The following KIRREL3 variants were observed in gnomAD, a reference collection of about 807,000 sequenced individuals.
KIRREL3 encodes kirre like nephrin family adhesion molecule 3.
In KIRREL3, 36 loss-of-function variants were observed where a neutral mutation model predicts 89.7. That is an observed-to-expected ratio of 0.40 (90% CI 0.31 to 0.53). The LOEUF is 0.53. Among genes scored for constraint, KIRREL3 ranks in the 20% least tolerant of loss-of-function variants. The pLI is 0.49. For synonymous variants in KIRREL3, 445 were observed against 441.4 expected, an observed-to-expected ratio of 1.01 and a Z score of -0.10; for missense variants, 864 against 1,056.6, an observed-to-expected ratio of 0.82 and a Z score of 2.53.
intron 1 of KIRREL3, among the ~76,000 whole-genome samples, chr11:126,806,476 AT>A (rs1951207547): frequency 6.6e-6 from 1 of 152,116 alleles, no homozygotes; most frequent in African/African-American, 2.4e-5. Flanking sequence ...AGTTTGAGTA[AT>A]TATAGAAGTC....
intron 1 of KIRREL3, among the ~76,000 whole-genome samples, chr11:126,842,292 T>C (rs1367986276): frequency 6.6e-6 from 1 of 152,156 alleles, no homozygotes; most frequent in Non-Finnish European, 1.5e-5. Flanking sequence ...CGGCCATGTA[T>C]GAACTTCTAA....
chr11:126,633,500 C>G (rs1944135694), intron 1 of KIRREL3, among the ~76,000 whole-genome samples: 1 of 152,036 alleles, frequency 6.6e-6, no homozygotes, highest in South Asian at 2.1e-4. Flanking sequence ...TTCTTCGTTC[C>G]CACAAGAATT....
chr11:126,862,025 C>T (rs1361603904), intron 1 of KIRREL3, among the ~76,000 whole-genome samples: 1 of 152,248 alleles, frequency 6.6e-6, no homozygotes, highest in Non-Finnish European at 1.5e-5. Context: ...CCCTTCTTGG[C>T]AGTGAGCAGT....
intron 1 of KIRREL3, among the ~76,000 whole-genome samples, chr11:126,667,448 T>C (rs1371659998): frequency 6.6e-6 from 1 of 152,200 alleles, no homozygotes; most frequent in Non-Finnish European, 1.5e-5. Context: ...CAGAAGGCAA[T>C]TGCCTAGAAA....
At chr11:126,824,744 G>A (rs1943348050) in intron 1 of KIRREL3, among the ~76,000 whole-genome samples, 1 of 152,236 alleles carries the variant, frequency 6.6e-6, no homozygotes. Context: ...GTCTGGCTCA[G>A]TAAATCTGCA....
chr11:126,802,520 C>T lies in KIRREL3; in HGVS notation c.55+197935G>A, dbSNP rs1019800630. Among the ~76,000 whole-genome samples, 1 of 152,198 alleles carries T rather than the reference C, an allele frequency of 6.6e-6. No homozygotes were observed. Among genetic ancestry groups the T allele is most frequent in the Non-Finnish European group, 1.5e-5 (1 of 68,040 alleles). ...CTCTGTGTCCTCCAGCTTCCTCCCA[C>T]ATCCCAAAGCTGTCACATGAGGTGA... On this transcript the variant is annotated intron_variant, in intron 1 of 16. Coordinates refer to ENST00000525144, the MANE Select transcript of KIRREL3 (RefSeq NM_032531.4). The surrounding 1 kb of genome is among the most constrained non-coding windows in gnomAD (Gnocchi z 5.2).
At position 126,872,286 on chromosome 11, in the gene KIRREL3, C is replaced by T. The variant is rs191345410; in HGVS notation, c.55+128169G>A. ...TTGTATGGTTCCAGAAACTCCCTGC[C>T]CCTTTTCTAGAAAGATCTAAGTAAC... is the stretch of plus-strand genomic sequence containing the variant. On this transcript the variant is annotated intron_variant, in intron 1 of 16. Transcript: ENST00000525144. This position sits in a 1 kb window ranked among gnomAD's most constrained non-coding sequence, Gnocchi z 4.2. Among the ~76,000 whole-genome samples the T allele has an allele frequency of 2.0e-5, 3 of 152,280 alleles. No homozygotes were observed. The highest frequency in any genetic ancestry group is 3.9e-4 in the East Asian group (2 of 5,178).
At chr11:126,487,964 C>A (rs748385575) in intron 4 of KIRREL3, among the ~76,000 whole-genome samples, 2 of 152,222 alleles carry the variant, frequency 1.3e-5, no homozygotes, top group Non-Finnish European at 2.9e-5. Context: ...TCACAGAAGG[C>A]GGAGGTGGAG....
chr11:126,498,390 C>A lies in KIRREL3; in HGVS notation c.433+22925G>T, dbSNP rs1370088542. On this transcript the variant is annotated intron_variant, in intron 4 of 16. Transcript: ENST00000525144. The surrounding 1 kb of genome is among the most constrained non-coding windows in gnomAD (Gnocchi z 4.3). ...CTCTCTTTAATAAGCCAGGCTCTTC[C>A]CCCCGACCCTGCGATTGTGTTCCTA... 6.6e-6 allele frequency among the ~76,000 whole-genome samples: 1 copy of A among 152,152 alleles called. No individual in the cohort carries two copies. Among genetic ancestry groups the A allele is most frequent in the East Asian group, 1.9e-4 (1 of 5,194 alleles).
intron 1 of KIRREL3, among the ~76,000 whole-genome samples, chr11:126,621,524 G>A (rs1565598829): frequency 3.9e-5 from 6 of 152,162 alleles, no homozygotes; most frequent in South Asian, 2.1e-4. Context: ...GTAGATCCAT[G>A]TATAAAATAA....
At chr11:126,895,114 C>T (rs887149742) in intron 1 of KIRREL3, among the ~76,000 whole-genome samples, 21 of 152,074 alleles carry the variant, frequency 1.4e-4, no homozygotes, top group Non-Finnish European at 1.3e-4. Context: ...CAGCCTGTGA[C>T]GATTCCTAGT....
At position 126,520,927 on chromosome 11, in the gene KIRREL3, G is replaced by A. The variant is rs1958566503; in HGVS notation, c.433+388C>T. ...AGGGCTTTGTTAGCACCGGAGTGGG[G>A]GTCAGTTCAGAAAGAAGGGACCCAC... On this transcript the variant is annotated intron_variant, in intron 4 of 16. Coordinates refer to ENST00000525144, the MANE Select transcript of KIRREL3 (RefSeq NM_032531.4). The surrounding 1 kb of genome is among the most constrained non-coding windows in gnomAD (Gnocchi z 4.9). 6.6e-6 allele frequency among the ~76,000 whole-genome samples: 1 copy of A among 152,108 alleles called. No individual in the cohort carries two copies. The highest frequency in any genetic ancestry group is 1.9e-4 in the East Asian group (1 of 5,188).
chr11:126,428,679 C>T lies in KIRREL3; in HGVS notation c.1806+500G>A, dbSNP rs112282958. ...TTGTTGTTGTTTTGAGATGGAGTCT[C>T]GCTCTCACCCAGGCTGGGGTGCAGT... is the stretch of plus-strand genomic sequence containing the variant. On this transcript the variant is annotated intron_variant, in intron 15 of 16. Coordinates refer to ENST00000525144, the MANE Select transcript of KIRREL3 (RefSeq NM_032531.4). This position sits in a 1 kb window ranked among gnomAD's most constrained non-coding sequence, Gnocchi z 6.4. Among the ~76,000 whole-genome samples the T allele has an allele frequency of 0.055, 8,431 of 152,136 alleles. 328 individuals are homozygous for T. Among genetic ancestry groups the T allele is most frequent in the Middle Eastern group, 0.11 (33 of 294 alleles).
chr11:126,828,245 C>T (rs11220630), intron 1 of KIRREL3, among the ~76,000 whole-genome samples: 46,886 of 152,012 alleles, frequency 0.31, 7,585 homozygotes, highest in East Asian at 0.43. Flanking sequence ...AACGCCCACC[C>T]CCTAGAGGGC....
rs767919574 is a variant in KIRREL3 at position 126,456,458 on chromosome 11, C to T, written c.743-4G>A. 16 of 1,560,386 alleles carry T rather than the reference C, an allele frequency of 1.0e-5. 1 individual carries two copies. Among genetic ancestry groups the T allele is most frequent in the South Asian group, 4.7e-5 (4 of 84,774 alleles). ...GAGAGGTTGACCAGTGGAGGGTCTG[C>T]AGGGAGAGGAGAGTCACTTGTAGAC... On this transcript the variant is annotated splice_polypyrimidine_tract_variant and splice_region_variant and intron_variant, in intron 6 of 16. Transcript: ENST00000525144.
intron 10 of KIRREL3, among the ~76,000 whole-genome samples, chr11:126,442,349 CACACAA>C (rs1216539104): frequency 1.2e-4 from 14 of 114,016 alleles, no homozygotes; most frequent in Non-Finnish European, 1.9e-4. Flanking sequence ...CACACACACA[CACACAA>C]AACCTTTTCC....
chr11:126,588,060 CTG>C lies in KIRREL3; in HGVS notation c.56-25150_56-25149del, dbSNP rs1438441347. ...AAGTCCTATATCTGCCGTTTGCTAG[CTG>C]TGTGACCTCAGGCAAGTTACTTAAA... On this transcript the variant is annotated intron_variant, in intron 1 of 16. Transcript: ENST00000525144. Among the ~76,000 whole-genome samples, 3 of 152,154 alleles carry C rather than the reference CTG, an allele frequency of 2.0e-5. No individual in the cohort carries two copies. In the East Asian group the frequency reaches 5.8e-4, roughly 29 times the overall value.
At chr11:126,826,808 G>T (rs1225288362) in intron 1 of KIRREL3, among the ~76,000 whole-genome samples, 1 of 152,184 alleles carries the variant, frequency 6.6e-6, no homozygotes, top group Non-Finnish European at 1.5e-5. Flanking sequence ...CAACAAATGA[G>T]TATCTATCAC....
rs761421166 is a variant in KIRREL3, at chr11:126,571,036, T to A, written c.56-8124A>T. ...CTTTAGAGGAGTGAGGAGTTTGTCC[T>A]GAGTCCCACAGCTGGCAAATGGTGA... is the stretch of plus-strand genomic sequence containing the variant. On this transcript the variant is annotated intron_variant, in intron 1 of 16. Transcript: ENST00000525144. The surrounding 1 kb of genome is among the most constrained non-coding windows in gnomAD (Gnocchi z 7.7). Among the ~76,000 whole-genome samples, 49 of 152,330 alleles carry A rather than the reference T, an allele frequency of 3.2e-4. No individual in the cohort carries two copies. Among genetic ancestry groups the A allele is most frequent in the Middle Eastern group, 3.4e-3 (1 of 294 alleles).
Sources: gnomAD v4.1 joint callset for allele counts (sites outside exome capture counted in the v4.1 genomes callset) on GRCh38, gnomAD v4.1.1 for gene constraint, Gnocchi (gnomAD v3.1) non-coding constraint, MANE v1.5 for transcripts, NCBI Gene and HGNC (gene_info 2026-07-23, HGNC 2026-07-21) for gene names.